The following TRIOBP variants were observed in gnomAD, a reference collection of about 807,000 sequenced individuals.
TRIOBP encodes TRIO and F-actin-binding protein.
Under a neutral mutation model 238.8 loss-of-function variants are expected in TRIOBP, and 169 were observed. The observed-to-expected ratio is 0.71, with a 90% CI of 0.62 to 0.80. TRIOBP has a LOEUF of 0.80. TRIOBP is among the 30% of genes least tolerant of loss of function. The probability of loss-of-function intolerance (pLI) is 0.00; values close to 1 mark genes in which losing one functional copy is unlikely to be tolerated. For synonymous variants in TRIOBP, 1,150 were observed against 1,274.4 expected, an observed-to-expected ratio of 0.90 and a Z score of 2.08; for missense variants, 2,838 against 3,122.6, an observed-to-expected ratio of 0.91 and a Z score of 2.17.
rs1313822992 is a variant in TRIOBP at position 37,738,625 on chromosome 22, C to CT, written c.5107-10dup. 4.3e-6 allele frequency: 7 copies of CT among 1,612,950 alleles called. No individual in the cohort carries two copies. In the African/African-American group the frequency reaches 5.3e-5, roughly 12 times the overall value. ...AGAATAAGTTGGGCTAAGCTGTGTT[C>CT]TTTTTTTAATCTCCAGTTCCAACCA... On this transcript the variant is annotated splice_polypyrimidine_tract_variant and intron_variant, in intron 9 of 23. Coordinates refer to ENST00000644935, the MANE Select transcript of TRIOBP (RefSeq NM_001039141.3).
intron 11 of TRIOBP, chr22:37,746,476 A>T: frequency 7.4e-7 from 1 of 1,347,962 alleles, no homozygotes; most frequent in Non-Finnish European, 9.7e-7. Context: ...CGACGACCCG[A>T]GGCAGAGCCC....
chr22:37,699,948 C>T lies in TRIOBP; in HGVS notation c.-60-1358C>T, dbSNP rs529306256. Among the ~76,000 whole-genome samples, 7 of 151,882 alleles carry T rather than the reference C, an allele frequency of 4.6e-5. No homozygotes were observed. The East Asian group carries it at 5.8e-4, about 13-fold the overall frequency. On this transcript the variant is annotated intron_variant, in intron 2 of 23. Transcript: ENST00000644935. ...GTCTGGAGTGAAGTGGCGTGCTCTCCGCTCACTGCTACCTCTGCCTCCCAG... is the reference window on the plus strand; with the variant it reads ...GTCTGGAGTGAAGTGGCGTGCTCTCTGCTCACTGCTACCTCTGCCTCCCAG...
chr22:37,744,000 C>CT lies in TRIOBP; in HGVS notation c.5322+2987dup, dbSNP rs571857057. 6.6e-3 allele frequency among the ~76,000 whole-genome samples: 855 copies of CT among 130,448 alleles called. 12 individuals carry two copies. Among genetic ancestry groups the CT allele is most frequent in the African/African-American group, 0.018 (639 of 35,326 alleles). The allele number at this position is 130,448 out of a possible 152,430, so 85.6% of individuals were successfully genotyped here. ...TTCCTAGTAGTCCAGTGCTGTGTAT[C>CT]TTTTTTTTTTTTTTTTTTTCTGAGA... On this transcript the variant is annotated intron_variant, in intron 11 of 23. Coordinates refer to ENST00000644935, the MANE Select transcript of TRIOBP (RefSeq NM_001039141.3).
chr22:37,755,112 G>C lies in TRIOBP; in HGVS notation c.5499G>C (p.Leu1833=), dbSNP rs769819427. The C allele has an allele frequency of 1.9e-6, 3 of 1,613,716 alleles. No homozygotes were observed. The South Asian group carries it at 3.3e-5, about 18-fold the overall frequency. The change falls in exon 14 of 24, where the codon CTG becomes CTC. Residue 1833 remains leucine (L), a synonymous_variant. Coordinates refer to ENST00000644935, the MANE Select transcript of TRIOBP (RefSeq NM_001039141.3). ...CCCTCTTGCTCCAGGCAGATGAGCTGGATGGTGAGATCGACCTGCGTTCCT... is the reference window on the plus strand; with the variant it reads ...CCCTCTTGCTCCAGGCAGATGAGCTCGATGGTGAGATCGACCTGCGTTCCT... ...RDSTAEEADE[L]DGEIDLRSCT... is the part of the protein sequence containing the mutation.
At position 37,726,270 on chromosome 22, in the gene TRIOBP, G is replaced by A. The variant is rs185108351; in HGVS notation, c.3714G>A (p.Ala1238=). The part of the protein sequence containing the change: ...SPPRHPPSDL[A]FLAPSPSPGS... ...CCCGCCACCCACCCAGTGACCTAGC[G>A]TTCCTGGCACCCTCACCTTCACCGG... The change falls in exon 7 of 24, where the codon GCG becomes GCA. Residue 1238 remains alanine, a synonymous_variant. Transcript: ENST00000644935. 8 of 1,612,758 alleles carry A rather than the reference G, an allele frequency of 5.0e-6. No individual in the cohort carries two copies. In the Admixed American group the frequency reaches 8.3e-5, roughly 17 times the overall value.
intron 10 of TRIOBP, among the ~76,000 whole-genome samples, chr22:37,740,086 A>G (rs1924863542): frequency 6.6e-6 from 1 of 152,214 alleles, no homozygotes; most frequent in East Asian, 1.9e-4. Flanking sequence ...GCCTGTGGTC[A>G]GGACTGTGAT....
intron 8 of TRIOBP, 93 bp from the exon 9 acceptor site, chr22:37,734,306 A>G: frequency 8.2e-7 from 1 of 1,216,838 alleles, no homozygotes; most frequent in Non-Finnish European, 1.2e-6. Flanking sequence ...CTGTGTGGAC[A>G]CAGCCTTGAC....
In TRIOBP at chr22:37,729,035, C is replaced by A. The variant is rs766260509; in HGVS notation, c.3947+2532C>A. Among the ~76,000 whole-genome samples, 455 of 152,234 alleles carry A rather than the reference C, an allele frequency of 3.0e-3. 2 individuals are homozygous for A. The highest frequency in any genetic ancestry group is 4.4e-3 in the Non-Finnish European group (301 of 68,012). On this transcript the variant is annotated intron_variant, in intron 7 of 23. Transcript: ENST00000644935. ...GGTTCAAGCAGTTCTCCTGCCTCAG[C>A]CTCCCGAGGAGCTGGGACTACAGGA...
At chr22:37,759,703 A>T in intron 17 of TRIOBP, 1 of 1,499,938 alleles carries the variant, frequency 6.7e-7, no homozygotes. Context: ...TCTGCAGGAC[A>T]GGGGAGCCTC....
intron 12 of TRIOBP, among the ~76,000 whole-genome samples, chr22:37,754,526 G>A (rs947843332): frequency 2.6e-5 from 4 of 151,854 alleles, no homozygotes; most frequent in African/African-American, 9.7e-5. Context: ...CCATGGTGAT[G>A]ATCTGGGGGA....
intron 9 of TRIOBP, 126 bp downstream of exon 9, chr22:37,735,568 C>G (rs992164802): frequency 8.7e-7 from 1 of 1,151,044 alleles, no homozygotes; most frequent in Non-Finnish European, 1.3e-6. Flanking sequence ...CAGACCTCAG[C>G]CTCCCTGCTG....
In TRIOBP at chr22:37,735,037, G is replaced by T; in HGVS notation, c.4701G>T (p.Arg1567=). 6.2e-7 allele frequency: 1 copy of T among 1,608,666 alleles called. No individual in the cohort carries two copies. Among genetic ancestry groups the T allele is most frequent in the Non-Finnish European group, 8.5e-7 (1 of 1,176,326 alleles). The change falls in exon 9 of 24, where the codon CGG becomes CGT. Residue 1567 remains arginine, a synonymous_variant. Coordinates refer to ENST00000644935, the MANE Select transcript of TRIOBP (RefSeq NM_001039141.3). Reference sequence around the variant, plus strand: ...GGAGGGATCTGCTTGGCCTTCTCCGGGCACCAGGAGAGGGGGTCTGGGCCC... The same window carrying T: ...GGAGGGATCTGCTTGGCCTTCTCCGTGCACCAGGAGAGGGGGTCTGGGCCC... ...LDWRDLLGLL[R]APGEGVWARV...
chr22:37,758,882 C>T (rs1393273056), intron 16 of TRIOBP, among the ~76,000 whole-genome samples: 1 of 152,208 alleles, frequency 6.6e-6, no homozygotes, highest in South Asian at 2.1e-4. Flanking sequence ...CATCTGTGAC[C>T]ACAGTTTCCT....
chr22:37,757,583 C>T, intron 15 of TRIOBP, 30 bp from the exon 16 acceptor site: 2 of 1,557,688 alleles, frequency 1.3e-6, no homozygotes, highest in Non-Finnish European at 8.6e-7. Context: ...GGGTGAGGAC[C>T]CACCTGACGT....
At position 37,726,199 on chromosome 22, in the gene TRIOBP, C is replaced by G; in HGVS notation, c.3643C>G (p.Gln1215Glu). 1 of 1,571,314 alleles carries G rather than the reference C, an allele frequency of 6.4e-7. No homozygotes were observed. Among genetic ancestry groups the G allele is most frequent in the Non-Finnish European group, 8.6e-7 (1 of 1,158,614 alleles). The change falls in exon 7 of 24, where the codon CAA becomes GAA. Residue 1215 changes from glutamine (Q) to glutamate (E), a missense_variant. Physicochemically the swap from Gln to Glu is conservative, Grantham distance 29. This residue lies in a region of TRIOBP where 2,096 missense variants were observed against 2,137.4 expected (regional missense o/e 0.98). Transcript: ENST00000644935. The stretch of plus-strand genomic sequence containing the variant: ...GCATGGCTCCCCAGTGCTGATCCCC[C>G]AAGTGTGCATCGGGCACCGGGATGC... ...SLHGSPVLIP[Q>E]VCIGHRDAPR...
In TRIOBP at chr22:37,769,294, C is replaced by A. The variant is rs772616136; in HGVS notation, c.6768C>A (p.Asp2256Glu). The A allele has an allele frequency of 5.0e-5, 80 of 1,611,984 alleles. No homozygotes were observed. The highest frequency in any genetic ancestry group is 6.6e-5 in the Non-Finnish European group (78 of 1,179,508). Reference sequence around the variant, plus strand: ...ATGGCCGCCTGTCAGAGGAGATAGACCAGCTGCGCGGCTTCATTGCCTCGC... The same window carrying A: ...ATGGCCGCCTGTCAGAGGAGATAGAACAGCTGCGCGGCTTCATTGCCTCGC... The part of the protein sequence containing the change: ...ELHGRLSEEI[D>E]QLRGFIASQG... Residue 2256 changes from aspartate (D) to glutamate (E), a missense_variant, in exon 21 of 24, where the codon GAC becomes GAA. Around this residue, in one of 5 missense-constraint regions of TRIOBP, gnomAD observed 2,096 missense variants for 2,137.4 expected, o/e 0.98. Coordinates refer to ENST00000644935, the MANE Select transcript of TRIOBP (RefSeq NM_001039141.3).
chr22:37,717,817 T>A (rs1923603253), intron 6 of TRIOBP, among the ~76,000 whole-genome samples: 2 of 152,252 alleles, frequency 1.3e-5, no homozygotes, highest in South Asian at 4.1e-4. Context: ...TGGAGCTGCC[T>A]GCCAGTCCCA....
intron 7 of TRIOBP, among the ~76,000 whole-genome samples, chr22:37,732,281 T>A (rs1924461011): frequency 6.6e-6 from 1 of 152,132 alleles, no homozygotes; most frequent in African/African-American, 2.4e-5. Flanking sequence ...GGAACTAGAC[T>A]TTTTACACAA....
At chr22:37,749,494 C>T (rs1198978085) in intron 11 of TRIOBP, among the ~76,000 whole-genome samples, 11 of 152,108 alleles carry the variant, frequency 7.2e-5, no homozygotes, top group Admixed American at 5.2e-4. Flanking sequence ...GCTGTGAGAA[C>T]CTGCCAGTAC....
Sources: allele counts gnomAD v4.1 joint callset (sites outside exome capture counted in the v4.1 genomes callset), GRCh38; gene constraint gnomAD v4.1.1; regional missense constraint gnomAD v4.1.1; transcripts MANE v1.5; gene names NCBI Gene and HGNC (gene_info 2026-07-23, HGNC 2026-07-21).